Variants in STK3 observed in about 807,000 individuals in gnomAD.
The protein encoded by STK3 is serine/threonine-protein kinase 3.
In STK3, 41 loss-of-function variants were observed where a neutral mutation model predicts 58.0. The observed-to-expected ratio is 0.71, with a 90% CI of 0.55 to 0.92. The LOEUF is 0.92. STK3 is among the 40% of genes least tolerant of loss of function. The probability of loss-of-function intolerance (pLI) is 0.00; values close to 1 mark genes in which losing one functional copy is unlikely to be tolerated. For synonymous variants in STK3, 170 were observed against 191.0 expected, an observed-to-expected ratio of 0.89 and a Z score of 0.91; for missense variants, 479 against 602.7, an observed-to-expected ratio of 0.79 and a Z score of 2.15.
intron 10 of STK3, among the ~76,000 whole-genome samples, chr8:98,461,293 A>G (rs1445549558): frequency 1.3e-5 from 2 of 152,094 alleles, no homozygotes; most frequent in Non-Finnish European, 2.9e-5. Context: ...TTTATCTGAA[A>G]TAAGAATAGC....
intron 6 of STK3, among the ~76,000 whole-genome samples, chr8:98,660,389 A>G (rs1372638581): frequency 2.0e-5 from 3 of 152,074 alleles, no homozygotes; most frequent in Non-Finnish European, 4.4e-5. Context: ...TGTGCACTGA[A>G]AAACAGTTAA....
intron 4 of STK3, among the ~76,000 whole-genome samples, chr8:98,737,579 T>C (rs1046156969): frequency 6.6e-6 from 1 of 152,142 alleles, no homozygotes; most frequent in Non-Finnish European, 1.5e-5. Flanking sequence ...CAAAAATATA[T>C]GAGATACAGC....
At chr8:98,734,687 C>T (rs1454953910) in intron 4 of STK3, among the ~76,000 whole-genome samples, 2 of 152,068 alleles carry the variant, frequency 1.3e-5, no homozygotes, top group African/African-American at 4.8e-5. Flanking sequence ...GTTTGAAATG[C>T]ATAAATGTTT....
chr8:98,348,793 A>G, the STK3 span, among the ~76,000 whole-genome samples: 310 of 152,384 alleles, frequency 2.0e-3, no homozygotes, highest in Non-Finnish European at 3.7e-3. Context: ...AAGTACTCTC[A>G]TTCATTGCTG....
intron 4 of STK3, among the ~76,000 whole-genome samples, chr8:98,710,377 A>G (rs554481516): frequency 6.6e-6 from 1 of 152,184 alleles, no homozygotes; most frequent in Non-Finnish European, 1.5e-5. Flanking sequence ...GGGGTCAGGG[A>G]ATTCCCTTTC....
At chr8:98,504,041 A>C (rs993798691) in intron 10 of STK3, among the ~76,000 whole-genome samples, 1 of 152,134 alleles carries the variant, frequency 6.6e-6, no homozygotes, top group Non-Finnish European at 1.5e-5. Context: ...GTAGGTCTCT[A>C]AGGACTTGCT....
intron 1 of STK3, among the ~76,000 whole-genome samples, chr8:98,785,210 C>A (rs1032338685): frequency 6.6e-6 from 1 of 152,214 alleles, no homozygotes; most frequent in South Asian, 2.1e-4. Flanking sequence ...TAACTCCAGG[C>A]ATTCAGAGCA....
chr8:98,678,959 C>G (rs73699916), intron 6 of STK3, among the ~76,000 whole-genome samples: 2 of 152,136 alleles, frequency 1.3e-5, no homozygotes, highest in African/African-American at 4.8e-5. Flanking sequence ...TAGGAAAGGA[C>G]CATCTTTCAA....
chr8:98,590,348 C>T (rs140499192), intron 7 of STK3, among the ~76,000 whole-genome samples: 208 of 152,248 alleles, frequency 1.4e-3, no homozygotes, highest in Non-Finnish European at 2.4e-3. Context: ...ACCGAAAGCT[C>T]GGCGTCCGTG....
chr8:98,427,856 G>A, intron 3 of STK3: 1 of 768,250 alleles, frequency 1.3e-6, no homozygotes, highest in South Asian at 1.9e-5. Flanking sequence ...CAGGAGGCCT[G>A]GGCCCGCCAG....
chr8:98,650,496 G>C (rs1482472082), intron 6 of STK3, among the ~76,000 whole-genome samples: 1 of 152,250 alleles, frequency 6.6e-6, no homozygotes, highest in South Asian at 2.1e-4. Flanking sequence ...GCGCAGGACA[G>C]GGGGTGCAGC....
At chr8:98,827,088 T>C (rs1835342322), upstream of STK3, among the ~76,000 whole-genome samples, 2 of 132,690 alleles carry the variant, frequency 1.5e-5, no homozygotes, top group African/African-American at 3.0e-5. Context: ...GTAATCCCAA[T>C]ACTTTGGGAG....
At chr8:98,747,913 A>C (rs889965251) in intron 4 of STK3, among the ~76,000 whole-genome samples, 2 of 152,210 alleles carry the variant, frequency 1.3e-5, no homozygotes, top group Non-Finnish European at 2.9e-5. Flanking sequence ...AAGAATATGA[A>C]TGGATAAAAT....
chr8:98,437,402 C>T (rs1429635828), intron 1 of STK3: 1 of 152,320 alleles, frequency 6.6e-6, no homozygotes, highest in African/African-American at 2.4e-5. Context: ...GACTATTGGC[C>T]TCCCACAGCA....
At chr8:98,409,483 C>T (rs941859023) in intron 3 of STK3, among the ~76,000 whole-genome samples, 1 of 152,238 alleles carries the variant, frequency 6.6e-6, no homozygotes, top group Non-Finnish European at 1.5e-5. Flanking sequence ...ATCTTCCATG[C>T]TGTCTGGCCA....
At chr8:98,492,711 G>C (rs1427587246) in intron 10 of STK3, among the ~76,000 whole-genome samples, 1 of 152,068 alleles carries the variant, frequency 6.6e-6, no homozygotes, top group African/African-American at 2.4e-5. Context: ...CTGATAAAAA[G>C]AGAGGGGAGT....
At chr8:98,804,279 G>T (rs574624913) in intron 1 of STK3, among the ~76,000 whole-genome samples, 2 of 152,192 alleles carry the variant, frequency 1.3e-5, no homozygotes, top group African/African-American at 4.8e-5. Context: ...TGGGATTACA[G>T]GCGTGAGCCA....
At chr8:98,555,544 C>T (rs1309879059) in intron 8 of STK3, among the ~76,000 whole-genome samples, 2 of 152,022 alleles carry the variant, frequency 1.3e-5, no homozygotes, top group African/African-American at 2.4e-5. Context: ...ATTGCACATG[C>T]AATCACATAA....
chr8:98,592,277 A>G (rs1220281762), intron 7 of STK3, among the ~76,000 whole-genome samples: 1 of 152,162 alleles, frequency 6.6e-6, no homozygotes, highest in Non-Finnish European at 1.5e-5. Context: ...ATTCTGGCTA[A>G]GCAGATCTTA....
Sources: gnomAD v4.1 joint callset for allele counts (sites outside exome capture counted in the v4.1 genomes callset) on GRCh38, gnomAD v4.1.1 for gene constraint, MANE v1.5 for transcripts, NCBI Gene and HGNC (gene_info 2026-07-23, HGNC 2026-07-21) for gene names.